Variants in AMN1 observed in about 807,000 individuals in gnomAD.
AMN1 encodes the protein antagonist of mitotic exit network 1 homolog.
Under a neutral mutation model 33.0 loss-of-function variants are expected in AMN1, and 20 were observed. The ratio of observed to expected loss-of-function variants is 0.61; its 90% CI spans 0.43 to 0.88. The LOEUF (loss-of-function observed/expected upper bound fraction) is 0.88. Ranked by LOEUF, AMN1 falls within the 40% of genes least tolerant of loss-of-function variation. The probability of loss-of-function intolerance (pLI) is 0.00; values close to 1 mark genes in which losing one functional copy is unlikely to be tolerated. For synonymous variants in AMN1, 114 were observed against 111.9 expected, an observed-to-expected ratio of 1.02 and a Z score of -0.12; for missense variants, 246 against 307.4, an observed-to-expected ratio of 0.80 and a Z score of 1.49.
At chr12:31,680,995 G>T (rs1160735176) in intron 6 of AMN1, among the ~76,000 whole-genome samples, 1 of 152,094 alleles carries the variant, frequency 6.6e-6, no homozygotes, top group African/African-American at 2.4e-5. Flanking sequence ...GAACATGTTA[G>T]CCCACTTTAC....
chr12:31,697,605 T>A, intron 4 of AMN1, 135 bp downstream of exon 4: 1 of 1,096,864 alleles, frequency 9.1e-7, no homozygotes, highest in Non-Finnish European at 1.3e-6. Context: ...CTCAATTACT[T>A]AACCACAAAA....
intron 1 of AMN1, among the ~76,000 whole-genome samples, chr12:31,718,788 G>A (rs1428126789): frequency 6.6e-6 from 1 of 152,228 alleles, no homozygotes; most frequent in African/African-American, 2.4e-5. Flanking sequence ...GTGGAATCTA[G>A]AGAGGCAGTA....
chr12:31,722,144 CA>C (rs1939900588), intron 1 of AMN1, among the ~76,000 whole-genome samples: 2 of 149,662 alleles, frequency 1.3e-5, no homozygotes, highest in Non-Finnish European at 3.0e-5. Flanking sequence ...CACACACACA[CA>C]CACACACACA....
In AMN1 at chr12:31,671,978, G is replaced by A. The variant is rs1951281641; in HGVS notation, c.*326C>T. ...AGCTCAAATACCTACATAGGAGAAG[G>A]AAATCTCAAGGGAAAACAGTTAATT... On this transcript the variant is annotated 3_prime_UTR_variant, in exon 7 of 7. Transcript: ENST00000281471. The A allele has an allele frequency of 5.0e-6, 1 of 198,986 alleles. No homozygotes were observed. 12.3% of individuals were successfully genotyped at this position (198,986 alleles called of 1,614,324 possible). A position where few individuals can be genotyped will look rare whatever the true frequency, so the allele number is the denominator to read the frequency against.
At chr12:31,688,112 A>G (rs56122817) in intron 6 of AMN1, among the ~76,000 whole-genome samples, 2,745 of 152,102 alleles carry the variant, frequency 0.018, 74 homozygotes, top group African/African-American at 0.063. Flanking sequence ...GCACCACCAC[A>G]CCTGGCTAAT....
chr12:31,710,570 A>AC (rs1939426608), intron 1 of AMN1, among the ~76,000 whole-genome samples: 1 of 151,484 alleles, frequency 6.6e-6, no homozygotes, highest in Non-Finnish European at 1.5e-5. Flanking sequence ...ACACACACAC[A>AC]CACACACACA....
At chr12:31,703,244 C>A (rs1357159744) in intron 2 of AMN1, among the ~76,000 whole-genome samples, 1 of 152,138 alleles carries the variant, frequency 6.6e-6, no homozygotes, top group South Asian at 2.1e-4. Flanking sequence ...AACCTTTTAA[C>A]CTCTATAACT....
chr12:31,728,181 T>C (rs1029801831), intron 1 of AMN1, among the ~76,000 whole-genome samples: 1 of 152,156 alleles, frequency 6.6e-6, no homozygotes, highest in African/African-American at 2.4e-5. Flanking sequence ...ATTAAGGAGA[T>C]TGTTCTCCTT....
intron 6 of AMN1, among the ~76,000 whole-genome samples, chr12:31,686,929 T>C (rs1384051828): frequency 1.3e-5 from 2 of 152,220 alleles, no homozygotes; most frequent in African/African-American, 4.8e-5. Flanking sequence ...CAAAAGGGTA[T>C]ACAATGACAT....
intron 6 of AMN1, among the ~76,000 whole-genome samples, chr12:31,675,747 T>G (rs925884147): frequency 6.6e-6 from 1 of 151,740 alleles, no homozygotes; most frequent in Non-Finnish European, 1.5e-5. Flanking sequence ...TGAGACCTGA[T>G]CCACCTGCCT....
rs1009607133 is a variant in AMN1 at position 31,672,264 on chromosome 12, T to C, written c.*40A>G. The C allele has an allele frequency of 7.1e-7, 1 of 1,412,766 alleles. No individual in the cohort carries two copies. The highest frequency in any genetic ancestry group is 9.8e-7 in the Non-Finnish European group (1 of 1,020,744). The allele number at this position is 1,412,766 out of a possible 1,614,324, so 87.5% of individuals were successfully genotyped here. A position where few individuals can be genotyped will look rare whatever the true frequency, so the allele number is the denominator to read the frequency against. On this transcript the variant is annotated 3_prime_UTR_variant, in exon 7 of 7. Coordinates refer to ENST00000281471, the MANE Select transcript of AMN1 (RefSeq NM_001113402.2). ...TAGATGGTTTCCTGGGAAAGTAGTT[T>C]TGATAAGCTTTCCTAGCATTGATCA...
chr12:31,709,993 A>C (rs1939404844), intron 1 of AMN1, among the ~76,000 whole-genome samples: 1 of 152,160 alleles, frequency 6.6e-6, no homozygotes. Flanking sequence ...ACCAACAAGA[A>C]TGTTTTTCCT....
chr12:31,698,037 T>C (rs1351896247), intron 3 of AMN1, 80 bp from the exon 4 acceptor site: 8 of 1,374,686 alleles, frequency 5.8e-6, no homozygotes, highest in Non-Finnish European at 8.1e-6. Flanking sequence ...ATTTTCATTT[T>C]AGCAATCACC....
At chr12:31,703,323 G>A (rs1489716802) in intron 2 of AMN1, among the ~76,000 whole-genome samples, 8 of 152,126 alleles carry the variant, frequency 5.3e-5, no homozygotes, top group Admixed American at 3.3e-4. Context: ...TAGATTCAGG[G>A]GGTACATGTG....
At chr12:31,692,227 C>T (rs548637054) in intron 5 of AMN1, among the ~76,000 whole-genome samples, 36 of 151,628 alleles carry the variant, frequency 2.4e-4, no homozygotes, top group African/African-American at 7.7e-4. Flanking sequence ...GAGGCCAAGG[C>T]GGGCAGATCA....
Position 31,692,451 on chromosome 12 carries a change from CAA to C in AMN1, c.592-3335_592-3334del, listed in dbSNP as rs5797431. Among the ~76,000 whole-genome samples, 11 of 125,104 alleles carry C rather than the reference CAA, an allele frequency of 8.8e-5. No homozygotes were observed. The South Asian group carries it at 1.5e-3, about 17-fold the overall frequency. The allele number at this position is 125,104 out of a possible 152,430, so 82.1% of individuals were successfully genotyped here. A position where few individuals can be genotyped will look rare whatever the true frequency, so the allele number is the denominator to read the frequency against. On this transcript the variant is annotated intron_variant, in intron 5 of 6. Coordinates refer to ENST00000281471, the MANE Select transcript of AMN1 (RefSeq NM_001113402.2). ...TGAGTGACAAAGTGAGACTCTGTCT[CAA>C]AAAAAAAAAACAAACGAAAAAAAAC...
chr12:31,696,320 A>G (rs1335229577), intron 5 of AMN1, among the ~76,000 whole-genome samples: 2 of 151,920 alleles, frequency 1.3e-5, no homozygotes, highest in Non-Finnish European at 2.9e-5. Flanking sequence ...CTATGTTGCC[A>G]GGCTGGACTC....
intron 5 of AMN1, among the ~76,000 whole-genome samples, chr12:31,693,145 C>T (rs919462131): frequency 3.3e-5 from 5 of 152,110 alleles, no homozygotes; most frequent in African/African-American, 4.8e-5. Flanking sequence ...CACAGTTCAC[C>T]GTAGCTTCAA....
At chr12:31,681,545 AT>A (rs1398222140) in intron 6 of AMN1, among the ~76,000 whole-genome samples, 2 of 151,862 alleles carry the variant, frequency 1.3e-5, no homozygotes, top group African/African-American at 4.8e-5. Flanking sequence ...ATTATTATTA[AT>A]ATTAGATCTC....
Sources: gnomAD v4.1 joint callset for allele counts (sites outside exome capture counted in the v4.1 genomes callset) on GRCh38, gnomAD v4.1.1 for gene constraint, MANE v1.5 for transcripts, NCBI Gene and HGNC (gene_info 2026-07-23, HGNC 2026-07-21) for gene names.